LRP8: variants seen among roughly 807,000 people sequenced by gnomAD.
LRP8 encodes low-density lipoprotein receptor-related protein 8.
LRP8 carries 46 observed loss-of-function variants against 111.6 expected under a neutral mutation model. That is an observed-to-expected ratio of 0.41 (90% CI 0.33 to 0.53). The LOEUF (loss-of-function observed/expected upper bound fraction) is 0.53. Among genes scored for constraint, LRP8 ranks in the 20% least tolerant of loss-of-function variants. LRP8 has a pLI of 0.20. For synonymous variants in LRP8, 464 were observed against 511.2 expected (o/e 0.91, Z 1.24); for missense variants, 959 against 1,297.4 (o/e 0.74, Z 4.01).
chr1:53,274,522 A>G (rs998249378), intron 6 of LRP8, among the ~76,000 whole-genome samples: 1 of 152,234 alleles, frequency 6.6e-6, no homozygotes, highest in Admixed American at 6.5e-5. Context: ...AGAGATGTAG[A>G]CCAGAGGCCT....
Position 53,262,053 on chromosome 1 carries a change from C to T in LRP8, c.1914+15G>A. The T allele has an allele frequency of 6.2e-7, 1 of 1,613,658 alleles. No homozygotes were observed. Among genetic ancestry groups the T allele is most frequent in the Non-Finnish European group, 8.5e-7 (1 of 1,179,750 alleles). On this transcript the variant is annotated intron_variant, in intron 12 of 18. Coordinates refer to ENST00000306052, the MANE Select transcript of LRP8 (RefSeq NM_004631.5). The surrounding 1 kb of genome is among the most constrained non-coding windows in gnomAD (Gnocchi z 4.8). ...AGCTTCCTAGTGGGCCCTTGCCTCTCCTTACAGGACTCACCTCAAACACAG... is the reference window on the plus strand; with the variant it reads ...AGCTTCCTAGTGGGCCCTTGCCTCTTCTTACAGGACTCACCTCAAACACAG...
intron 6 of LRP8, among the ~76,000 whole-genome samples, chr1:53,274,180 G>A (rs1372350861): frequency 6.6e-6 from 1 of 152,136 alleles, no homozygotes; most frequent in Admixed American, 6.5e-5. Context: ...CATCAGGTCC[G>A]AACTCCTCAG....
chr1:53,304,033 C>T, intron 2 of LRP8, among the ~76,000 whole-genome samples: 1 of 152,114 alleles, frequency 6.6e-6, no homozygotes, highest in Non-Finnish European at 1.5e-5. Flanking sequence ...ACCCAGCAGA[C>T]AGGCTGGTGA....
At chr1:53,286,772 C>T (rs1033732736) in intron 3 of LRP8, among the ~76,000 whole-genome samples, 4 of 152,264 alleles carry the variant, frequency 2.6e-5, no homozygotes, top group Non-Finnish European at 5.9e-5. Flanking sequence ...ACTCCCTTCA[C>T]TGACACTATT....
rs1163997468 is a variant in LRP8 at position 53,275,038 on chromosome 1, G to A, written c.1006+593C>T. On this transcript the variant is annotated intron_variant, in intron 6 of 18. Coordinates refer to ENST00000306052, the MANE Select transcript of LRP8 (RefSeq NM_004631.5). This position sits in a 1 kb window ranked among gnomAD's most constrained non-coding sequence, Gnocchi z 4.4. ...AGGAGGCTAAGCCTCATGTAGCTGG[G>A]CAGGGCTGTGGGGATCTGCGTCTCA... is the stretch of plus-strand genomic sequence containing the variant. 2.0e-5 allele frequency among the ~76,000 whole-genome samples: 3 copies of A among 152,198 alleles called. No individual in the cohort carries two copies. In the East Asian group the frequency reaches 5.8e-4, roughly 29 times the overall value.
intron 4 of LRP8, among the ~76,000 whole-genome samples, chr1:53,277,738 A>T (rs948053238): frequency 2.6e-5 from 4 of 152,160 alleles, no homozygotes; most frequent in Non-Finnish European, 4.4e-5. Context: ...CACCTCTTCC[A>T]TGACACCCTG....
At chr1:53,284,251 T>TACTACATACCCGGGCCACTTACC (rs1647244697) in intron 3 of LRP8, among the ~76,000 whole-genome samples, 15 of 117,564 alleles carry the variant, frequency 1.3e-4, no homozygotes, top group Non-Finnish European at 2.2e-4. Flanking sequence ...GGCCACTTAC[T>TACTACATACCCGGGCCACTTACC]TACTACATAC....
In LRP8 at chr1:53,289,005, G is replaced by T. The variant is rs74086831; in HGVS notation, c.367+562C>A. The stretch of plus-strand genomic sequence containing the variant: ...CACCCAGCTGGCCATGGAGGCAGGA[G>T]CTCCTAGGCTCAGCCCACCCAGGGT... On this transcript the variant is annotated intron_variant, in intron 3 of 18. Coordinates refer to ENST00000306052, the MANE Select transcript of LRP8 (RefSeq NM_004631.5). Among the ~76,000 whole-genome samples, 502 of 152,304 alleles carry T rather than the reference G, an allele frequency of 3.3e-3. 1 individual carries two copies. The highest frequency in any genetic ancestry group is 0.011 in the African/African-American group (472 of 41,566).
Position 53,275,735 on chromosome 1 carries a change from C to T in LRP8, c.902G>A (p.Gly301Glu). 6.2e-7 allele frequency: 1 copy of T among 1,614,012 alleles called. No homozygotes were observed. The highest frequency in any genetic ancestry group is 8.5e-7 in the Non-Finnish European group (1 of 1,179,968). The change falls in exon 6 of 19, where the codon GGG (glycine) becomes GAG (glutamate). Residue 301 changes from glycine to glutamate, a missense_variant. Around this residue, in one of 3 missense-constraint regions of LRP8, gnomAD observed 819 missense variants for 1,097.6 expected, o/e 0.75. Coordinates refer to ENST00000306052, the MANE Select transcript of LRP8 (RefSeq NM_004631.5). This position sits in a 1 kb window ranked among gnomAD's most constrained non-coding sequence, Gnocchi z 4.4. ...EADCPLGTCR[G>E]DEFQCGDGTC... ...CCCATCCCCACACTGGAACTCGTCC[C>T]CACGGCAGGTGCCCAGTGCTGCCAG...
In LRP8 at chr1:53,279,049, G is replaced by A. The variant is rs1015513158; in HGVS notation, c.496+1538C>T. Among the ~76,000 whole-genome samples, 1 of 151,738 alleles carries A rather than the reference G, an allele frequency of 6.6e-6. No homozygotes were observed. The highest frequency in any genetic ancestry group is 1.5e-5 in the Non-Finnish European group (1 of 67,972). On this transcript the variant is annotated intron_variant, in intron 4 of 18. Coordinates refer to ENST00000306052, the MANE Select transcript of LRP8 (RefSeq NM_004631.5). The surrounding 1 kb of genome is among the most constrained non-coding windows in gnomAD (Gnocchi z 4.4). ...GCTGGGATTACAGGCATGAGCCACC[G>A]CGCCCCGCCTTAATTTTTAATTTTA...
chr1:53,276,946 T>C lies in LRP8; in HGVS notation c.629A>G (p.Glu210Gly), dbSNP rs1352986955. ...GCCGCCATCGCCGCCGCAGCGGAAC[T>C]CGCGGGGCCCGCAGGCCGGGTCTGC... ...GCADPACGPR[E>G]FRCGGDGGGA... The change falls in exon 5 of 19, where the codon GAG becomes GGG. Residue 210 changes from glutamate to glycine, a missense_variant. By Grantham distance (98) the Glu-to-Gly change is moderately conservative (BLOSUM62 -2). Transcript: ENST00000306052. 5.5e-6 allele frequency: 8 copies of C among 1,466,818 alleles called. No homozygotes were observed. The Admixed American group carries it at 1.4e-4, about 25-fold the overall frequency. The allele number at this position is 1,466,818 out of a possible 1,614,324, so 90.9% of individuals were successfully genotyped here. A position where few individuals can be genotyped will look rare whatever the true frequency, so the allele number is the denominator to read the frequency against.
chr1:53,295,311 G>A (rs1285143906), intron 2 of LRP8, among the ~76,000 whole-genome samples: 1 of 152,220 alleles, frequency 6.6e-6, no homozygotes, highest in African/African-American at 2.4e-5. Flanking sequence ...AGCGAGCAGA[G>A]TGACCATTAG....
chr1:53,270,235 C>T (rs1029850715), intron 8 of LRP8, among the ~76,000 whole-genome samples: 5 of 152,134 alleles, frequency 3.3e-5, no homozygotes, highest in Non-Finnish European at 7.4e-5. Context: ...ACCTAGAGAC[C>T]ACCCAAAACA....
chr1:53,293,149 C>G lies in LRP8; in HGVS notation c.245-3460G>C, dbSNP rs1198273927. Among the ~76,000 whole-genome samples the G allele has an allele frequency of 6.6e-6, 1 of 152,224 alleles. No homozygotes were observed. The highest frequency in any genetic ancestry group is 1.5e-5 in the Non-Finnish European group (1 of 68,042). On this transcript the variant is annotated intron_variant, in intron 2 of 18. Transcript: ENST00000306052. This position sits in a 1 kb window ranked among gnomAD's most constrained non-coding sequence, Gnocchi z 4.9. ...GACAACCAGATACCCCCCAAAAACCCTGCCCTCCCTGGGATTCTGAAAGCC... is the reference window on the plus strand; with the variant it reads ...GACAACCAGATACCCCCCAAAAACCGTGCCCTCCCTGGGATTCTGAAAGCC...
chr1:53,278,905 C>A (rs892139981), intron 4 of LRP8, among the ~76,000 whole-genome samples: 1 of 150,268 alleles, frequency 6.7e-6, no homozygotes, highest in Non-Finnish European at 1.5e-5. Context: ...GTAGCCACCA[C>A]GCCCGGCTAA....
rs1557742915 is a variant in LRP8 at position 53,250,487 on chromosome 1, A to AG, written c.2676+202dup. On this transcript the variant is annotated intron_variant, in intron 17 of 18. Coordinates refer to ENST00000306052, the MANE Select transcript of LRP8 (RefSeq NM_004631.5). This position sits in a 1 kb window ranked among gnomAD's most constrained non-coding sequence, Gnocchi z 4.6. ...TGTTTGAGGAAGGAAAGAAGGAGGA[A>AG]GGGAAGGAGGGAGGAAAGGAAGGAA... Among the ~76,000 whole-genome samples the AG allele has an allele frequency of 1.4e-5, 2 of 147,856 alleles. No homozygotes were observed. Among genetic ancestry groups the AG allele is most frequent in the Non-Finnish European group, 3.0e-5 (2 of 66,990 alleles).
intron 3 of LRP8, 146 bp from the exon 4 acceptor site, chr1:53,280,861 G>A: frequency 1.0e-6 from 1 of 1,000,668 alleles, no homozygotes; most frequent in Admixed American, 2.6e-5. Flanking sequence ...AGTTTCATCA[G>A]CTGAGAAGAA....
At chr1:53,327,160 G>A in intron 1 of LRP8, 168 bp from the exon 2 acceptor site, 3 of 928,420 alleles carry the variant, frequency 3.2e-6, no homozygotes, top group Non-Finnish European at 3.1e-6. Context: ...GATGGCAGGG[G>A]TTCCGTGGAT....
At chr1:53,289,879 T>C (rs1192239835) in intron 2 of LRP8, among the ~76,000 whole-genome samples, 190 bp from the exon 3 acceptor site, 1 of 152,192 alleles carries the variant, frequency 6.6e-6, no homozygotes, top group Non-Finnish European at 1.5e-5. Context: ...CATTCTGCTC[T>C]GCCCTCCAAG....
Sources: allele counts gnomAD v4.1 joint callset (sites outside exome capture counted in the v4.1 genomes callset), GRCh38; gene constraint gnomAD v4.1.1; regional missense constraint gnomAD v4.1.1; non-coding constraint Gnocchi (gnomAD v3.1); transcripts MANE v1.5; gene names NCBI Gene and HGNC (gene_info 2026-07-23, HGNC 2026-07-21).